CACNA1E: variants seen among roughly 807,000 people sequenced by gnomAD.
CACNA1E encodes voltage-dependent R-type calcium channel subunit alpha-1E.
CACNA1E carries 40 observed loss-of-function variants against 259.2 expected under a neutral mutation model. That is an observed-to-expected ratio of 0.15 (90% CI 0.12 to 0.20). CACNA1E has a LOEUF of 0.20. Among genes scored for constraint, CACNA1E ranks in the 10% least tolerant of loss-of-function variants. The pLI, the probability that CACNA1E is intolerant of heterozygous loss-of-function variation, is 1.00. For missense variants in CACNA1E, 1,874 were observed against 3,040.1 expected (o/e 0.62, Z 9.02); for synonymous variants, 1,104 against 1,138.5 (o/e 0.97, Z 0.61).
At chr1:181,511,300 C>A in intron 2 of CACNA1E, 71 bp from the exon 3 acceptor site, 1 of 1,563,228 alleles carries the variant, frequency 6.4e-7, no homozygotes, top group Non-Finnish European at 8.8e-7. Context: ...AAGGGCCAGG[C>A]TGTGCTTTTG....
chr1:181,739,391 G>A (rs368086219), intron 25 of CACNA1E, 138 bp downstream of exon 25: 50 of 671,716 alleles, frequency 7.4e-5, no homozygotes, highest in African/African-American at 3.8e-4. Context: ...CTCCCCAGTC[G>A]CCCCCAGCAG....
chr1:181,393,738 G>A (rs770654478), intron 1 of CACNA1E, among the ~76,000 whole-genome samples: 7 of 152,306 alleles, frequency 4.6e-5, no homozygotes, highest in South Asian at 4.2e-4. Flanking sequence ...GATTACCGGC[G>A]TGTGCCCCCG....
chr1:181,752,125 G>C lies in CACNA1E; in HGVS notation c.3732-18G>C, dbSNP rs1186944749. The C allele has an allele frequency of 3.2e-6, 5 of 1,557,140 alleles. No homozygotes were observed. The highest frequency in any genetic ancestry group is 4.4e-6 in the Non-Finnish European group (5 of 1,128,220). On this transcript the variant is annotated intron_variant, in intron 26 of 47. Transcript: ENST00000367573. ...CTCCCCCATTCCATATGATTCCCTG[G>C]GGGCCTCTCCCCTGCAGAACCAACA...
Position 181,795,047 on chromosome 1 carries a change from G to A in CACNA1E, c.6208+3G>A. The A allele has an allele frequency of 2.5e-6, 4 of 1,613,004 alleles. No homozygotes were observed. The African/African-American group carries it at 5.3e-5, about 21-fold the overall frequency. ...CCACCGCCTGAACTCTGATTCAGGT[G>A]AGGAGGTCTTCAGTGTCCAGCTCTT... On this transcript the variant is annotated splice_donor_region_variant and intron_variant, in intron 46 of 47. Transcript: ENST00000367573.
intron 3 of CACNA1E, among the ~76,000 whole-genome samples, chr1:181,568,554 T>G (rs1417462351): frequency 6.6e-6 from 1 of 152,130 alleles, no homozygotes; most frequent in Non-Finnish European, 1.5e-5. Flanking sequence ...AAATTTTCCT[T>G]CTGTGACATT....
chr1:181,669,029 A>G (rs1648532040), intron 7 of CACNA1E: 1 of 152,152 alleles, frequency 6.6e-6, no homozygotes, highest in Non-Finnish European at 1.5e-5. Flanking sequence ...CCCTGTCTCA[A>G]AAAAAATTAT....
chr1:181,708,483 A>G (rs1653012307), intron 7 of CACNA1E, among the ~76,000 whole-genome samples: 1 of 152,232 alleles, frequency 6.6e-6, no homozygotes, highest in East Asian at 1.9e-4. Context: ...AAGGATGATC[A>G]TGTTCCTCCG....
intron 3 of CACNA1E, among the ~76,000 whole-genome samples, chr1:181,551,609 G>A (rs987565332): frequency 6.6e-6 from 1 of 152,164 alleles, no homozygotes; most frequent in Non-Finnish European, 1.5e-5. Context: ...CAACCTTGGT[G>A]GGGGAAGGGG....
intron 1 of CACNA1E, among the ~76,000 whole-genome samples, chr1:181,326,706 A>G (rs1016516288): frequency 6.6e-6 from 1 of 152,168 alleles, no homozygotes. Flanking sequence ...TTTCTCTCCA[A>G]CTGAATACTA....
intron 1 of CACNA1E, among the ~76,000 whole-genome samples, chr1:181,334,932 C>A (rs1044348493): frequency 1.3e-5 from 2 of 152,212 alleles, no homozygotes; most frequent in Non-Finnish European, 2.9e-5. Context: ...CCGCTTATCT[C>A]CCTGGACTGT....
intron 1 of CACNA1E, among the ~76,000 whole-genome samples, chr1:181,358,597 AGCCTAGACAGCT>A (rs1380313598): frequency 2.0e-5 from 3 of 152,176 alleles, no homozygotes; most frequent in African/African-American, 4.8e-5. Context: ...TTCTTGGAGA[AGCCTAGACAGCT>A]GCTGTTTTGG....
intron 6 of CACNA1E, among the ~76,000 whole-genome samples, chr1:181,583,591 T>C (rs923626536): frequency 1.3e-5 from 2 of 152,212 alleles, no homozygotes; most frequent in African/African-American, 4.8e-5. Flanking sequence ...CATGTTTGCC[T>C]CCCTTTTCTG....
At position 181,793,654 on chromosome 1, in the gene CACNA1E, T is replaced by C. The variant is rs1165268002; in HGVS notation, c.5899-11T>C. 1 of 1,607,684 alleles carries C rather than the reference T, an allele frequency of 6.2e-7. No homozygotes were observed. Among genetic ancestry groups the C allele is most frequent in the Middle Eastern group, 1.7e-4 (1 of 5,928 alleles). ...CAAGTCCCACAAGCTTGGCTGTGTG[T>C]TTATTTCCAGGAGCCAGAGGTTAGT... On this transcript the variant is annotated splice_polypyrimidine_tract_variant and intron_variant, in intron 44 of 47. Coordinates refer to ENST00000367573, the MANE Select transcript of CACNA1E (RefSeq NM_001205293.3).
intron 1 of CACNA1E, among the ~76,000 whole-genome samples, chr1:181,351,691 C>T (rs1217074768): frequency 6.6e-6 from 1 of 152,168 alleles, no homozygotes; most frequent in Admixed American, 6.5e-5. Context: ...TGGCCTGTGA[C>T]CACATCACTC....
At chr1:181,412,572 A>G (rs907927246) in intron 1 of CACNA1E, among the ~76,000 whole-genome samples, 2 of 152,092 alleles carry the variant, frequency 1.3e-5, no homozygotes, top group African/African-American at 4.8e-5. Context: ...TCAAAAAAAA[A>G]AAAGGAGAGA....
In CACNA1E at chr1:181,433,528, G is replaced by A. The variant is rs140894451; in HGVS notation, c.434+19948G>A. ...ATTTTTTTCTTTCATTACAAAAGAC[G>A]TGCTCATTGTGAAACAATTGGGAAA... On this transcript the variant is annotated intron_variant, in intron 2 of 11. Coordinates refer to the CACNA1E transcript ENST00000524607. Among the ~76,000 whole-genome samples the A allele has an allele frequency of 1.4e-4, 22 of 152,102 alleles. No homozygotes were observed. In the East Asian group the frequency reaches 3.7e-3, roughly 25 times the overall value.
chr1:181,486,660 C>T (rs1393559159), intron 1 of CACNA1E, among the ~76,000 whole-genome samples: 1 of 152,140 alleles, frequency 6.6e-6, no homozygotes, highest in African/African-American at 2.4e-5. Flanking sequence ...GTCTTCTTAC[C>T]TGTTAAATGA....
intron 3 of CACNA1E, among the ~76,000 whole-genome samples, chr1:181,537,826 A>G (rs1268012060): frequency 6.6e-6 from 1 of 152,224 alleles, no homozygotes; most frequent in Non-Finnish European, 1.5e-5. Flanking sequence ...TTATAGATGA[A>G]GAAACAGAGG....
intron 2 of CACNA1E, among the ~76,000 whole-genome samples, chr1:181,439,523 A>G (rs1310599489): frequency 6.6e-6 from 1 of 152,148 alleles, no homozygotes; most frequent in Non-Finnish European, 1.5e-5. Flanking sequence ...TGAACCCCTT[A>G]AGGACAGGGC....
Sources: gnomAD v4.1 joint callset for allele counts (sites outside exome capture counted in the v4.1 genomes callset) on GRCh38, gnomAD v4.1.1 for gene constraint, MANE v1.5 for transcripts, NCBI Gene and HGNC (gene_info 2026-07-23, HGNC 2026-07-21) for gene names.